AKT3: variants seen among roughly 807,000 people sequenced by gnomAD.
The protein encoded by AKT3 is RAC-gamma serine/threonine-protein kinase.
AKT3 carries 15 observed loss-of-function variants against 65.3 expected under a neutral mutation model. That is an observed-to-expected ratio of 0.23 (90% CI 0.15 to 0.35). The LOEUF (loss-of-function observed/expected upper bound fraction) is 0.35, where lower values mean the gene tolerates loss of function less well. Ranked by LOEUF, AKT3 falls within the 10% of genes least tolerant of loss-of-function variation. The pLI is 1.00. For missense variants in AKT3, 243 were observed against 576.5 expected (o/e 0.42, Z 5.92); for synonymous variants, 206 against 183.8 (o/e 1.12, Z -0.98).
At chr1:243,594,864 G>A (rs1262426033) in intron 8 of AKT3, among the ~76,000 whole-genome samples, 1 of 152,126 alleles carries the variant, frequency 6.6e-6, no homozygotes, top group African/African-American at 2.4e-5. Context: ...ACAGGTATAA[G>A]CCCCCATGTC....
At chr1:243,513,834 T>A (rs1453900622) in intron 12 of AKT3, among the ~76,000 whole-genome samples, 1 of 152,112 alleles carries the variant, frequency 6.6e-6, no homozygotes, top group Non-Finnish European at 1.5e-5. Context: ...CCTGCCATTG[T>A]GCCAGACCAT....
intron 8 of AKT3, among the ~76,000 whole-genome samples, chr1:243,605,646 G>T (rs1251203290): frequency 6.6e-6 from 1 of 152,156 alleles, no homozygotes; most frequent in Non-Finnish European, 1.5e-5. Context: ...AAATTCCATT[G>T]TACCAATACG....
intron 2 of AKT3, among the ~76,000 whole-genome samples, chr1:243,762,682 T>C (rs940986364): frequency 2.0e-5 from 3 of 152,090 alleles, no homozygotes; most frequent in Admixed American, 1.3e-4. Context: ...AATTTATGCA[T>C]GGCAAGGTAA....
At chr1:243,623,823 G>C (rs2148626525) in intron 6 of AKT3, among the ~76,000 whole-genome samples, 1 of 152,302 alleles carries the variant, frequency 6.6e-6, no homozygotes, top group African/African-American at 2.4e-5. Context: ...CAATTTCCCA[G>C]TGAATTCTCT....
intron 2 of AKT3, among the ~76,000 whole-genome samples, chr1:243,755,799 A>C: frequency 6.6e-6 from 1 of 152,226 alleles, no homozygotes; most frequent in East Asian, 1.9e-4. Flanking sequence ...ATTCCACCTA[A>C]AGATCAAAGC....
intron 2 of AKT3, among the ~76,000 whole-genome samples, chr1:243,712,448 T>C (rs559111904): frequency 4.2e-4 from 64 of 152,324 alleles, no homozygotes; most frequent in African/African-American, 1.5e-3. Context: ...AACCATGCTT[T>C]GGGCAATTTC....
chr1:243,771,384 G>C (rs1040186129), intron 2 of AKT3, among the ~76,000 whole-genome samples: 3 of 152,122 alleles, frequency 2.0e-5, no homozygotes, highest in Non-Finnish European at 4.4e-5. Flanking sequence ...ACCTAACATA[G>C]CCCTGGCACA....
intron 1 of AKT3, among the ~76,000 whole-genome samples, chr1:243,846,787 A>T (rs1488678880): frequency 6.6e-6 from 1 of 152,240 alleles, no homozygotes; most frequent in Non-Finnish European, 1.5e-5. Flanking sequence ...TACAAACAAG[A>T]AAAACACTAG....
At chr1:243,489,107 C>A in intron 13 of AKT3, 1 of 1,613,068 alleles carries the variant, frequency 6.2e-7, no homozygotes, top group Non-Finnish European at 8.5e-7. Context: ...AGAGGCAGAG[C>A]CTGTCGGAAG....
intron 2 of AKT3, among the ~76,000 whole-genome samples, chr1:243,805,036 T>G (rs1418161945): frequency 6.6e-6 from 1 of 152,156 alleles, no homozygotes; most frequent in East Asian, 1.9e-4. Flanking sequence ...GCCATACCAC[T>G]CACCAACTAT....
chr1:243,664,254 TG>T (rs1682611653), intron 4 of AKT3, among the ~76,000 whole-genome samples: 1 of 122,666 alleles, frequency 8.2e-6, no homozygotes. Flanking sequence ...TGGAGTGCAG[TG>T]GCGCAATCTC....
chr1:243,840,691 G>A (rs1481328163), intron 2 of AKT3, among the ~76,000 whole-genome samples: 2 of 148,726 alleles, frequency 1.3e-5, no homozygotes, highest in East Asian at 2.0e-4. Flanking sequence ...AGGAATTCAA[G>A]GGAAAGATGA....
intron 11 of AKT3, among the ~76,000 whole-genome samples, chr1:243,551,317 G>A (rs1199053770): frequency 6.6e-6 from 1 of 152,132 alleles, no homozygotes; most frequent in South Asian, 2.1e-4. Flanking sequence ...AGCTGTGAAA[G>A]TGCTCTGAAG....
At chr1:243,842,816 G>A (rs1436643910) in intron 2 of AKT3, among the ~76,000 whole-genome samples, 2 of 152,046 alleles carry the variant, frequency 1.3e-5, no homozygotes, top group Non-Finnish European at 2.9e-5. Flanking sequence ...TGATTCTAAA[G>A]ATATCTCTCC....
intron 3 of AKT3, among the ~76,000 whole-genome samples, chr1:243,691,933 C>T (rs1405377493): frequency 3.3e-5 from 5 of 152,056 alleles, no homozygotes; most frequent in Non-Finnish European, 7.4e-5. Flanking sequence ...TGTTAAATAC[C>T]AGAACTGTGC....
intron 8 of AKT3, among the ~76,000 whole-genome samples, chr1:243,587,099 C>T (rs1675867269): frequency 6.6e-6 from 1 of 151,934 alleles, no homozygotes; most frequent in Non-Finnish European, 1.5e-5. Flanking sequence ...TGAACATAGG[C>T]CACCTTGTAA....
At chr1:243,680,859 G>A (rs571399960) in intron 3 of AKT3, among the ~76,000 whole-genome samples, 1 of 152,132 alleles carries the variant, frequency 6.6e-6, no homozygotes, top group East Asian at 1.9e-4. Context: ...TTCCCTAAAT[G>A]GAATTATCCA....
chr1:243,800,844 A>T (rs1468513255), intron 2 of AKT3, among the ~76,000 whole-genome samples: 2 of 152,196 alleles, frequency 1.3e-5, no homozygotes, highest in African/African-American at 4.8e-5. Context: ...AAATACAATG[A>T]TATGCACCAT....
At chr1:243,678,385 G>A (rs1227101067) in intron 3 of AKT3, among the ~76,000 whole-genome samples, 1 of 152,126 alleles carries the variant, frequency 6.6e-6, no homozygotes, top group Admixed American at 6.5e-5. Context: ...ATGAAGTAAA[G>A]TAAAAGAATC....
Sources: allele counts gnomAD v4.1 joint callset (sites outside exome capture counted in the v4.1 genomes callset), GRCh38; gene constraint gnomAD v4.1.1; transcripts MANE v1.5; gene names NCBI Gene and HGNC (gene_info 2026-07-23, HGNC 2026-07-21).